EXOC4: variants seen among roughly 807,000 people sequenced by gnomAD.
The protein encoded by EXOC4 is exocyst complex component 4, also known as SEC8-like 1.
EXOC4 carries 71 observed loss-of-function variants against 107.2 expected under a neutral mutation model. The ratio of observed to expected loss-of-function variants is 0.66; its 90% CI spans 0.55 to 0.81. The LOEUF (loss-of-function observed/expected upper bound fraction) is 0.81. EXOC4 is among the 30% of genes least tolerant of loss of function. EXOC4 has a pLI of 0.00. For synonymous variants in EXOC4, 456 were observed against 441.2 expected, an observed-to-expected ratio of 1.03 and a Z score of -0.42; for missense variants, 1,108 against 1,189.6, an observed-to-expected ratio of 0.93 and a Z score of 1.01.
intron 11 of EXOC4, among the ~76,000 whole-genome samples, chr7:133,851,412 G>T (rs1798237554): frequency 6.6e-6 from 1 of 152,210 alleles, no homozygotes; most frequent in African/African-American, 2.4e-5. Flanking sequence ...TCGAACTCCT[G>T]AGCTCAACCC....
chr7:133,284,609 G>A (rs1794233256), intron 2 of EXOC4, among the ~76,000 whole-genome samples: 1 of 152,128 alleles, frequency 6.6e-6, no homozygotes, highest in African/African-American at 2.4e-5. Context: ...TCGGCTCACT[G>A]CAAGCTCCGC....
intron 13 of EXOC4, among the ~76,000 whole-genome samples, chr7:133,932,887 T>C (rs992591141): frequency 6.0e-5 from 9 of 150,236 alleles, no homozygotes; most frequent in Non-Finnish European, 7.4e-5. Flanking sequence ...GAAGTGGTGA[T>C]GAAAGATTTG....
At chr7:133,867,939 CT>C (rs1317186197) in intron 11 of EXOC4, among the ~76,000 whole-genome samples, 1 of 152,202 alleles carries the variant, frequency 6.6e-6, no homozygotes, top group Admixed American at 6.5e-5. Context: ...ATGGCCTTCT[CT>C]TTTAAACCAG....
chr7:133,939,652 A>G (rs940901189), intron 14 of EXOC4, among the ~76,000 whole-genome samples: 1 of 152,194 alleles, frequency 6.6e-6, no homozygotes, highest in Admixed American at 6.5e-5. Context: ...ATGCACCACC[A>G]TGCCCAACTC....
intron 7 of EXOC4, among the ~76,000 whole-genome samples, chr7:133,389,082 A>G (rs930822541): frequency 3.3e-5 from 5 of 152,154 alleles, no homozygotes; most frequent in Admixed American, 1.3e-4. Flanking sequence ...TAATGTTTTT[A>G]GGATGGTTTG....
At chr7:133,613,633 A>T (rs1036769734) in intron 9 of EXOC4, among the ~76,000 whole-genome samples, 1 of 152,066 alleles carries the variant, frequency 6.6e-6, no homozygotes, top group African/African-American at 2.4e-5. Context: ...GAATTGCTTG[A>T]TAGGTACTAT....
intron 12 of EXOC4, among the ~76,000 whole-genome samples, chr7:133,906,795 C>T (rs1384229056): frequency 1.3e-5 from 2 of 152,224 alleles, no homozygotes; most frequent in Non-Finnish European, 2.9e-5. Flanking sequence ...CTATTGCCGC[C>T]CCCGATCGGG....
chr7:133,259,259 G>T lies in EXOC4; in HGVS notation c.86+6072G>T, dbSNP rs1293409336. ...TTTTTTTTTTTTTTTTTGAGGCAGA[G>T]TCTTGCTTTGTCACCTAGGCTGGAG... On this transcript the variant is annotated intron_variant, in intron 1 of 17. Coordinates refer to ENST00000253861, the MANE Select transcript of EXOC4 (RefSeq NM_021807.4). Among the ~76,000 whole-genome samples the T allele has an allele frequency of 4.8e-5, 7 of 145,908 alleles. 1 individual carries two copies. In the East Asian group the frequency reaches 1.2e-3, roughly 25 times the overall value.
chr7:133,603,588 G>A lies in EXOC4; in HGVS notation c.1418-26457G>A, dbSNP rs777298892. On this transcript the variant is annotated intron_variant, in intron 9 of 17. Coordinates refer to ENST00000253861, the MANE Select transcript of EXOC4 (RefSeq NM_021807.4). ...CATGTTACTGTACTACATGCACAAC[G>A]TGTAGGCAATTGTAACAAAACGGGT... 5.3e-5 allele frequency among the ~76,000 whole-genome samples: 8 copies of A among 152,174 alleles called. No individual in the cohort carries two copies. The East Asian group carries it at 5.8e-4, about 11-fold the overall frequency.
chr7:133,890,668 T>C lies in EXOC4; in HGVS notation c.1735-4931T>C, dbSNP rs1433102461. Among the ~76,000 whole-genome samples the C allele has an allele frequency of 4.9e-4, 15 of 30,560 alleles. 1 individual carries two copies. The highest frequency in any genetic ancestry group is 1.6e-3 in the Admixed American group (5 of 3,132). 20.0% of individuals were successfully genotyped at this position (30,560 alleles called of 152,430 possible). On this transcript the variant is annotated intron_variant, in intron 11 of 17. Transcript: ENST00000253861. ...GCTAGCCAGTTTTCCCAGCACCATTTATTAAATAGGGAATCCTTTCCCCAT... is the reference window on the plus strand; with the variant it reads ...GCTAGCCAGTTTTCCCAGCACCATTCATTAAATAGGGAATCCTTTCCCCAT...
At chr7:133,853,245 C>G (rs1179187118) in intron 11 of EXOC4, among the ~76,000 whole-genome samples, 1 of 152,010 alleles carries the variant, frequency 6.6e-6, no homozygotes, top group Non-Finnish European at 1.5e-5. Flanking sequence ...TGGCTGGGCT[C>G]TGTTACCATC....
chr7:133,485,190 A>G (rs1361008190), intron 9 of EXOC4, among the ~76,000 whole-genome samples: 1 of 151,974 alleles, frequency 6.6e-6, no homozygotes, highest in Non-Finnish European at 1.5e-5. Context: ...AGGGTGCTGC[A>G]TCTACTTCGT....
chr7:133,724,102 G>A (rs777663344), intron 10 of EXOC4, among the ~76,000 whole-genome samples: 8 of 152,278 alleles, frequency 5.3e-5, no homozygotes, highest in Non-Finnish European at 8.8e-5. Context: ...ACAGTTTAAT[G>A]ATGATAGATT....
chr7:133,496,142 T>C (rs1799472839), intron 9 of EXOC4, among the ~76,000 whole-genome samples: 1 of 152,098 alleles, frequency 6.6e-6, no homozygotes, highest in South Asian at 2.1e-4. Flanking sequence ...GTACAGCATT[T>C]TTTGTTGTTG....
intron 9 of EXOC4, among the ~76,000 whole-genome samples, chr7:133,510,171 C>A (rs1459411395): frequency 1.3e-5 from 2 of 152,144 alleles, no homozygotes; most frequent in Admixed American, 6.5e-5. Context: ...AATCTAATTT[C>A]CTTCTCTATA....
chr7:134,022,318 C>G (rs1007282505), intron 17 of EXOC4, among the ~76,000 whole-genome samples: 23 of 152,120 alleles, frequency 1.5e-4, no homozygotes, highest in African/African-American at 4.8e-4. Flanking sequence ...TGACACATAA[C>G]CAGCATTTGA....
chr7:133,761,204 G>T (rs954477872), intron 10 of EXOC4, among the ~76,000 whole-genome samples: 1 of 152,144 alleles, frequency 6.6e-6, no homozygotes, highest in Non-Finnish European at 1.5e-5. Flanking sequence ...ATTGTAAGCA[G>T]AAGATGCCCT....
At position 134,048,883 on chromosome 7, in the gene EXOC4, G is replaced by A. The variant is rs145524001; in HGVS notation, c.2688-15408G>A. 6.6e-5 allele frequency among the ~76,000 whole-genome samples: 10 copies of A among 152,228 alleles called. 1 individual carries two copies. The East Asian group carries it at 1.9e-3, about 29-fold the overall frequency. On this transcript the variant is annotated intron_variant, in intron 17 of 17. Transcript: ENST00000253861. ...GGTCTGGTACTAGAAAAAAAAAATA[G>A]CCAAGTTGCCCAACAGTCTGAAGGC...
chr7:133,407,584 G>A (rs977075206), intron 7 of EXOC4, among the ~76,000 whole-genome samples: 4 of 152,118 alleles, frequency 2.6e-5, no homozygotes, highest in Non-Finnish European at 2.9e-5. Flanking sequence ...GTTTAAATAA[G>A]CTATGAAGGA....
Sources: gnomAD v4.1 joint callset for allele counts (sites outside exome capture counted in the v4.1 genomes callset) on GRCh38, gnomAD v4.1.1 for gene constraint, MANE v1.5 for transcripts, NCBI Gene and HGNC (gene_info 2026-07-23, HGNC 2026-07-21) for gene names.